Variants in GRIN3A observed in about 807,000 individuals in gnomAD.
The protein encoded by GRIN3A is glutamate receptor ionotropic, NMDA 3A.
GRIN3A carries 47 observed loss-of-function variants against 92.4 expected under a neutral mutation model. That is an observed-to-expected ratio of 0.51 (90% CI 0.40 to 0.65). The LOEUF is 0.65. GRIN3A is among the 30% of genes least tolerant of loss of function. The pLI is 0.00. For synonymous variants in GRIN3A, 527 were observed against 540.6 expected (o/e 0.97, Z 0.35); for missense variants, 1,324 against 1,393.1 (o/e 0.95, Z 0.79).
rs1415141927 is a variant in GRIN3A at position 101,577,861 on chromosome 9, A to T, written c.2932-17T>A. ...GTGTAATCTCTGATGGAGAAAACAG[A>T]TTCACAGGTAGAAATTATGAGAAAC... On this transcript the variant is annotated splice_polypyrimidine_tract_variant and intron_variant, in intron 7 of 8. Coordinates refer to ENST00000361820, the MANE Select transcript of GRIN3A (RefSeq NM_133445.3). The T allele has an allele frequency of 6.4e-7, 1 of 1,573,404 alleles. No individual in the cohort carries two copies. Among genetic ancestry groups the T allele is most frequent in the African/African-American group, 1.3e-5 (1 of 74,224 alleles).
chr9:101,617,160 ACTGCAGT>A (rs1828469829), intron 5 of GRIN3A, among the ~76,000 whole-genome samples: 2 of 145,840 alleles, frequency 1.4e-5, no homozygotes, highest in Non-Finnish European at 3.0e-5. Flanking sequence ...AGATTGCGCC[ACTGCAGT>A]CCGCAGTCCG....
chr9:101,598,419 A>G (rs939515280), intron 6 of GRIN3A, among the ~76,000 whole-genome samples: 1 of 152,208 alleles, frequency 6.6e-6, no homozygotes, highest in African/African-American at 2.4e-5. Flanking sequence ...TAGGTTAAAA[A>G]GAGGTATTAT....
intron 1 of GRIN3A, among the ~76,000 whole-genome samples, chr9:101,731,523 C>G (rs1830139445): frequency 6.6e-6 from 1 of 152,092 alleles, no homozygotes; most frequent in Non-Finnish European, 1.5e-5. Context: ...AGGAGTCATC[C>G]TGCTTAATTC....
At chr9:101,671,366 C>A (rs1406536701) in intron 2 of GRIN3A, among the ~76,000 whole-genome samples, 1 of 152,100 alleles carries the variant, frequency 6.6e-6, no homozygotes, top group Non-Finnish European at 1.5e-5. Flanking sequence ...TAGTCTTACT[C>A]CAAATGTTTT....
intron 2 of GRIN3A, among the ~76,000 whole-genome samples, chr9:101,678,525 A>G (rs190597968): frequency 6.6e-5 from 10 of 152,296 alleles, no homozygotes; most frequent in Admixed American, 6.5e-4. Flanking sequence ...GTTAATGGTC[A>G]ACAGCAATTT....
At chr9:101,655,764 T>C (rs1296289890) in intron 3 of GRIN3A, among the ~76,000 whole-genome samples, 4 of 151,922 alleles carry the variant, frequency 2.6e-5, no homozygotes, top group East Asian at 1.9e-4. Context: ...TGGGAGGCAA[T>C]GAAGGACTTT....
chr9:101,705,176 C>G (rs544480670), intron 1 of GRIN3A, among the ~76,000 whole-genome samples: 26 of 152,112 alleles, frequency 1.7e-4, no homozygotes, highest in Non-Finnish European at 3.5e-4. Context: ...GCCTCTCCAC[C>G]CCCATCCTGT....
At chr9:101,703,018 T>C (rs988208378) in intron 1 of GRIN3A, among the ~76,000 whole-genome samples, 3 of 152,358 alleles carry the variant, frequency 2.0e-5, no homozygotes, top group East Asian at 3.9e-4. Context: ...TCACCTGGTC[T>C]ACGGTGACAG....
At chr9:101,601,212 G>A (rs961878204) in intron 6 of GRIN3A, 2 of 152,212 alleles carry the variant, frequency 1.3e-5, no homozygotes, top group Admixed American at 6.5e-5. Flanking sequence ...TGAAGTACTT[G>A]AGCAAAGTAG....
At chr9:101,588,504 G>A (rs972140133) in intron 6 of GRIN3A, among the ~76,000 whole-genome samples, 29 of 152,064 alleles carry the variant, frequency 1.9e-4, no homozygotes, top group Non-Finnish European at 8.8e-5. Flanking sequence ...AAGCTTGGGC[G>A]ACCATCTTTT....
At chr9:101,673,258 T>C (rs1829353199) in intron 2 of GRIN3A, among the ~76,000 whole-genome samples, 1 of 152,070 alleles carries the variant, frequency 6.6e-6, no homozygotes, top group African/African-American at 2.4e-5. Context: ...TTTCCAGAGA[T>C]TACACAACTC....
intron 3 of GRIN3A, among the ~76,000 whole-genome samples, chr9:101,663,768 T>G (rs559954898): frequency 1.3e-5 from 2 of 151,974 alleles, no homozygotes; most frequent in South Asian, 2.1e-4. Context: ...TACTTGAATG[T>G]TCGCCAGGAC....
At chr9:101,702,741 C>A (rs1324481493) in intron 1 of GRIN3A, among the ~76,000 whole-genome samples, 1 of 152,140 alleles carries the variant, frequency 6.6e-6, no homozygotes, top group East Asian at 1.9e-4. Flanking sequence ...CTTAAGAAGT[C>A]CAGACAAATG....
intron 6 of GRIN3A, chr9:101,594,639 C>T (rs1228924887): frequency 6.2e-7 from 1 of 1,614,118 alleles, no homozygotes; most frequent in African/African-American, 1.3e-5. Context: ...ATGCTGAACG[C>T]AAACCTCAAC....
intron 1 of GRIN3A, among the ~76,000 whole-genome samples, chr9:101,722,802 A>G (rs1253152525): frequency 1.3e-5 from 2 of 152,188 alleles, no homozygotes; most frequent in Non-Finnish European, 2.9e-5. Flanking sequence ...TCTAGGAAGT[A>G]ACTAGCTTGC....
intron 6 of GRIN3A, among the ~76,000 whole-genome samples, chr9:101,585,480 A>G (rs1827938628): frequency 6.6e-6 from 1 of 152,170 alleles, no homozygotes; most frequent in Non-Finnish European, 1.5e-5. Context: ...CATTTCAAAG[A>G]TAACACATTA....
intron 3 of GRIN3A, among the ~76,000 whole-genome samples, chr9:101,632,070 C>T (rs140527626): frequency 6.6e-6 from 1 of 152,172 alleles, no homozygotes; most frequent in Non-Finnish European, 1.5e-5. Flanking sequence ...GTCCTGCTCT[C>T]CCCCTGGCCT....
intron 1 of GRIN3A, among the ~76,000 whole-genome samples, chr9:101,704,392 C>T (rs1211830546): frequency 6.6e-6 from 1 of 152,122 alleles, no homozygotes; most frequent in African/African-American, 2.4e-5. Flanking sequence ...TTTATTTGTT[C>T]TGAAAATATG....
Position 101,594,989 on chromosome 9 carries a change from G to A in GRIN3A, c.2767-15629C>T, listed in dbSNP as rs935296837. Reference sequence around the variant, plus strand: ...GGGAGCAGGGGCGGTGAGCTCGGGCGGGGCTCGTGCCCGGACGGTTGGGCC... The same window carrying A: ...GGGAGCAGGGGCGGTGAGCTCGGGCAGGGCTCGTGCCCGGACGGTTGGGCC... On this transcript the variant is annotated intron_variant, in intron 6 of 8. Coordinates refer to ENST00000361820, the MANE Select transcript of GRIN3A (RefSeq NM_133445.3). 7.1e-6 allele frequency: 11 copies of A among 1,543,642 alleles called. No homozygotes were observed. In the African/African-American group the frequency reaches 1.2e-4, roughly 17 times the overall value.
Sources: gnomAD v4.1 joint callset for allele counts (sites outside exome capture counted in the v4.1 genomes callset) on GRCh38, gnomAD v4.1.1 for gene constraint, MANE v1.5 for transcripts, NCBI Gene and HGNC (gene_info 2026-07-23, HGNC 2026-07-21) for gene names.